SLC9A7: variants seen among roughly 807,000 people sequenced by gnomAD.
SLC9A7 encodes the protein solute carrier family 9 member A7.
Under a neutral mutation model 52.6 loss-of-function variants are expected in SLC9A7, and 19 were observed. That is an observed-to-expected ratio of 0.36 (90% CI 0.25 to 0.53). The LOEUF (loss-of-function observed/expected upper bound fraction) is 0.53. Among genes scored for constraint, SLC9A7 ranks in the 20% least tolerant of loss-of-function variants. SLC9A7 has a pLI of 0.91. For synonymous variants in SLC9A7, 226 were observed against 252.1 expected (o/e 0.90, Z 0.98); for missense variants, 455 against 597.9 (o/e 0.76, Z 2.49).
Position 46,681,957 on chromosome X carries a change from T to C in SLC9A7, c.525+379A>G, listed in dbSNP as rs190511470. On this transcript the variant is annotated intron_variant, in intron 2 of 16. Transcript: ENST00000616978. ...CTTCTGAATACTGAATAAATTAAGC[T>C]AAAAGTGAAATCAATCTTATTTTAA... Among the ~76,000 whole-genome samples the C allele has an allele frequency of 1.5e-3, 173 of 112,070 alleles. 2 individuals carry two copies. The South Asian group carries it at 0.039, about 26-fold the overall frequency.
At chrX:46,609,978 A>G (rs775526868) in intron 16 of SLC9A7, among the ~76,000 whole-genome samples, 1 of 112,303 alleles carries the variant, frequency 8.9e-6, no homozygotes, top group South Asian at 3.7e-4. Flanking sequence ...CAGTGGGTCA[A>G]GATGATACCA....
chrX:46,602,323 T>C lies in SLC9A7; in HGVS notation c.*4629A>G, dbSNP rs1602118254. On this transcript the variant is annotated 3_prime_UTR_variant, in exon 17 of 17. Transcript: ENST00000616978. The stretch of plus-strand genomic sequence containing the variant: ...ACAGCTGCCCTGTCTGTATTACTGA[T>C]CAATACTCAGTTCGTTTCACATGAC... 1 of 112,199 alleles carries C rather than the reference T, an allele frequency of 8.9e-6. No individual in the cohort carries two copies. Among genetic ancestry groups the C allele is most frequent in the South Asian group, 3.7e-4 (1 of 2,699 alleles). 9.2% of individuals were successfully genotyped at this position (112,199 alleles called of 1,213,427 possible).
At chrX:46,718,617 C>G (rs1746934015) in intron 1 of SLC9A7, among the ~76,000 whole-genome samples, 1 of 111,980 alleles carries the variant, frequency 8.9e-6, no homozygotes, top group Non-Finnish European at 1.9e-5. Flanking sequence ...TCAAACAACC[C>G]CATCAATAAG....
chrX:46,738,093 AAGAAAGAAAGAAAGAG>A (rs1921000411), intron 1 of SLC9A7, among the ~76,000 whole-genome samples: 2 of 61,312 alleles, frequency 3.3e-5, no homozygotes, highest in South Asian at 6.3e-4. Flanking sequence ...GAAAGAAAGA[AAGAAAGAAAGAAAGAG>A]AAAAGAAAAG....
intron 3 of SLC9A7, among the ~76,000 whole-genome samples, chrX:46,673,355 A>T (rs202140003): frequency 9.7e-6 from 1 of 102,639 alleles, no homozygotes; most frequent in African/African-American, 3.5e-5. Context: ...TAAAAATATA[A>T]ACACACACAC....
intron 1 of SLC9A7, among the ~76,000 whole-genome samples, chrX:46,726,153 C>G (rs1424112152): frequency 9.1e-6 from 1 of 110,426 alleles, no homozygotes; most frequent in Non-Finnish European, 1.9e-5. Flanking sequence ...TTTGGGAGGC[C>G]GAAGTTGGGA....
chrX:46,665,880 G>A (rs1021336950), intron 5 of SLC9A7, among the ~76,000 whole-genome samples: 2 of 110,085 alleles, frequency 1.8e-5, no homozygotes, highest in African/African-American at 3.3e-5. Flanking sequence ...TTGTGGATCC[G>A]TCTAAAACAA....
At chrX:46,652,413 G>T (rs1943598107) in intron 8 of SLC9A7, among the ~76,000 whole-genome samples, 1 of 70,476 alleles carries the variant, frequency 1.4e-5, no homozygotes, top group African/African-American at 5.6e-5. Context: ...TGGCCCCAAA[G>T]TGCTGGGATT....
At chrX:46,615,840 G>A (rs1030570719) in intron 15 of SLC9A7, among the ~76,000 whole-genome samples, 1 of 109,961 alleles carries the variant, frequency 9.1e-6, no homozygotes, top group African/African-American at 3.3e-5. Context: ...TTAGTCTGAG[G>A]CTTTTCCTTC....
intron 15 of SLC9A7, among the ~76,000 whole-genome samples, chrX:46,620,208 C>T (rs2146696576): frequency 9.0e-6 from 1 of 110,741 alleles, no homozygotes; most frequent in African/African-American, 3.3e-5. Flanking sequence ...ATTGCTTGAG[C>T]CCAGGAGTTC....
intron 1 of SLC9A7, among the ~76,000 whole-genome samples, chrX:46,691,712 G>A (rs190904523): frequency 3.7e-4 from 41 of 111,573 alleles, no homozygotes; most frequent in Non-Finnish European, 3.8e-4. Flanking sequence ...GTGATATGTG[G>A]GCTGGAGCAA....
chrX:46,714,196 C>T (rs1437191688), intron 1 of SLC9A7, among the ~76,000 whole-genome samples: 1 of 110,241 alleles, frequency 9.1e-6, no homozygotes, highest in Non-Finnish European at 1.9e-5. Flanking sequence ...ATTATTAACA[C>T]CACTTTACAG....
At chrX:46,633,418 C>T (rs1179889034) in intron 13 of SLC9A7, among the ~76,000 whole-genome samples, 8 of 67,849 alleles carry the variant, frequency 1.2e-4, no homozygotes, top group Non-Finnish European at 2.1e-4. Context: ...ATGTTTTGCA[C>T]TTTTTTTCCC....
In SLC9A7 at chrX:46,754,085, A is replaced by G. The variant is rs184884700; in HGVS notation, c.325+4620T>C. Reference sequence around the variant, plus strand: ...TAACCAAAAGCTCACCCCAAAATATACAATTTTCCTCACTTCCACTAACTG... The same window carrying G: ...TAACCAAAAGCTCACCCCAAAATATGCAATTTTCCTCACTTCCACTAACTG... On this transcript the variant is annotated intron_variant, in intron 1 of 16. Coordinates refer to ENST00000616978, the MANE Select transcript of SLC9A7 (RefSeq NM_001257291.2). Among the ~76,000 whole-genome samples the G allele has an allele frequency of 5.4e-5, 6 of 111,218 alleles. No individual in the cohort carries two copies. In the East Asian group the frequency reaches 1.7e-3, roughly 31 times the overall value.
intron 1 of SLC9A7, among the ~76,000 whole-genome samples, chrX:46,729,316 GATT>G (rs1338154260): frequency 8.9e-6 from 1 of 112,212 alleles, no homozygotes; most frequent in East Asian, 2.8e-4. Flanking sequence ...ATAGATATTA[GATT>G]ATAACATAAT....
At chrX:46,689,834 T>C (rs186843179) in intron 1 of SLC9A7, among the ~76,000 whole-genome samples, 2 of 110,539 alleles carry the variant, frequency 1.8e-5, no homozygotes, top group East Asian at 5.7e-4. Context: ...TGTGTTCTCA[T>C]TGTTCAACTC....
intron 1 of SLC9A7, among the ~76,000 whole-genome samples, chrX:46,748,207 G>A (rs1016191703): frequency 1.0e-4 from 11 of 110,085 alleles, no homozygotes; most frequent in African/African-American, 2.6e-4. Context: ...TTAGCTGGGC[G>A]TGGTGGCACA....
intron 1 of SLC9A7, among the ~76,000 whole-genome samples, chrX:46,714,881 C>T (rs1027900169): frequency 8.1e-5 from 9 of 111,362 alleles, no homozygotes; most frequent in African/African-American, 9.8e-5. Flanking sequence ...AATAGAAATC[C>T]TGGAAAAGAA....
chrX:46,658,930 T>G (rs1484118564), intron 7 of SLC9A7, among the ~76,000 whole-genome samples: 122 of 111,070 alleles, frequency 1.1e-3, no homozygotes, highest in Middle Eastern at 4.7e-3. Flanking sequence ...AAAAAGAGAA[T>G]TTTAGACCAA....
Sources: gnomAD v4.1 joint callset for allele counts (sites outside exome capture counted in the v4.1 genomes callset) on GRCh38, gnomAD v4.1.1 for gene constraint, MANE v1.5 for transcripts, NCBI Gene and HGNC (gene_info 2026-07-23, HGNC 2026-07-21) for gene names.